Variants in SPTY2D1 observed in about 807,000 individuals in gnomAD.
The protein encoded by SPTY2D1 is protein SPT2 homolog.
SPTY2D1 carries 21 observed loss-of-function variants against 64.0 expected under a neutral mutation model. That is an observed-to-expected ratio of 0.33 (90% CI 0.23 to 0.47). The LOEUF is 0.47. Ranked by LOEUF, SPTY2D1 falls within the 20% of genes least tolerant of loss-of-function variation. SPTY2D1 has a pLI of 1.00. For missense variants in SPTY2D1, 724 were observed against 837.2 expected (o/e 0.86, Z 1.67); for synonymous variants, 287 against 286.8 (o/e 1.00, Z -0.01).
intron 3 of SPTY2D1, among the ~76,000 whole-genome samples, chr11:18,614,016 T>G (rs1431478662): frequency 6.6e-6 from 1 of 152,176 alleles, no homozygotes; most frequent in African/African-American, 2.4e-5. Flanking sequence ...GTCACGTACA[T>G]TCACCCTGAA....
intron 1 of SPTY2D1, among the ~76,000 whole-genome samples, chr11:18,619,553 T>TC (rs1406502959): frequency 8.6e-5 from 13 of 150,500 alleles, no homozygotes. Context: ...GGTCAGGAGA[T>TC]CGAGACCATC....
rs1854264392 is a variant in SPTY2D1 at position 18,614,822 on chromosome 11, G to C, written c.1452C>G (p.Pro484=). The C allele has an allele frequency of 6.2e-7, 1 of 1,613,320 alleles. No homozygotes were observed. The highest frequency in any genetic ancestry group is 1.3e-5 in the African/African-American group (1 of 74,930). ...CAGGGCCACTGACAGACCGCCCCGG[G>C]GGGCCCAAGCCACTCACTGGTCGTC... ...ELRRPVSGLG[P]PGRSVSGPGR... Residue 484 remains proline (P), a synonymous_variant, in exon 3 of 6, where the codon CCC becomes CCG. Coordinates refer to ENST00000336349, the MANE Select transcript of SPTY2D1 (RefSeq NM_194285.3).
intron 1 of SPTY2D1, among the ~76,000 whole-genome samples, chr11:18,622,292 G>C (rs184204396): frequency 1.3e-5 from 2 of 152,082 alleles, no homozygotes; most frequent in Non-Finnish European, 2.9e-5. Context: ...CACTTTGGAA[G>C]GCTGAGGTGG....
intron 3 of SPTY2D1, among the ~76,000 whole-genome samples, chr11:18,613,494 G>A (rs950930742): frequency 5.9e-5 from 9 of 152,112 alleles, no homozygotes; most frequent in Non-Finnish European, 8.8e-5. Flanking sequence ...GCTGTCAGGG[G>A]GCTATCCCAT....
At chr11:18,610,336 C>T (rs1330653353) in intron 5 of SPTY2D1, 1 of 173,538 alleles carries the variant, frequency 5.8e-6, no homozygotes, top group Non-Finnish European at 1.2e-5. Context: ...ATATAGTATT[C>T]TGGCTTGAGA....
Position 18,608,323 on chromosome 11 carries a change from G to A in SPTY2D1, c.*1538C>T, listed in dbSNP as rs1269468523. The A allele has an allele frequency of 6.6e-6, 1 of 152,562 alleles. No individual in the cohort carries two copies. Among genetic ancestry groups the A allele is most frequent in the East Asian group, 1.9e-4 (1 of 5,204 alleles). 9.5% of individuals were successfully genotyped at this position (152,562 alleles called of 1,614,324 possible). A position where few individuals can be genotyped will look rare whatever the true frequency, so the allele number is the denominator to read the frequency against. The stretch of plus-strand genomic sequence containing the variant: ...AGCCTGGCTCATATGGTCCCATTAA[G>A]GGAGGCTAACAATGGTAATCTATAA... On this transcript the variant is annotated 3_prime_UTR_variant, in exon 6 of 6. Coordinates refer to ENST00000336349, the MANE Select transcript of SPTY2D1 (RefSeq NM_194285.3).
At chr11:18,626,590 C>G (rs111399002) in intron 1 of SPTY2D1, among the ~76,000 whole-genome samples, 2 of 152,304 alleles carry the variant, frequency 1.3e-5, no homozygotes, top group African/African-American at 4.8e-5. Flanking sequence ...TGGAGCTAAT[C>G]TGCCTGGATT....
intron 1 of SPTY2D1, among the ~76,000 whole-genome samples, chr11:18,633,145 T>TC (rs945215050): frequency 9.2e-5 from 14 of 151,432 alleles, no homozygotes; most frequent in Non-Finnish European, 1.9e-4. Context: ...TATAGACCTT[T>TC]TTCAGATCAA....
intron 1 of SPTY2D1, among the ~76,000 whole-genome samples, chr11:18,619,420 C>T (rs986587204): frequency 5.5e-5 from 8 of 145,432 alleles, no homozygotes; most frequent in East Asian, 2.0e-4. Flanking sequence ...GGAGTTAAGA[C>T]GCCAGCCTGG....
chr11:18,630,088 G>A (rs962884273), intron 1 of SPTY2D1, among the ~76,000 whole-genome samples: 3 of 152,020 alleles, frequency 2.0e-5, no homozygotes, highest in African/African-American at 7.2e-5. Context: ...AGAATGGCTT[G>A]AACCCAGGAG....
chr11:18,622,374 T>C (rs780075550), intron 1 of SPTY2D1, among the ~76,000 whole-genome samples: 6 of 151,720 alleles, frequency 4.0e-5, no homozygotes, highest in Non-Finnish European at 5.9e-5. Context: ...CTACAAAACA[T>C]ACAAAAATTA....
rs1485949263 is a variant in SPTY2D1, at chr11:18,614,686, T to C, written c.1588A>G (p.Thr530Ala). Residue 530 changes from threonine to alanine, a missense_variant, in exon 3 of 6, where the codon ACT becomes GCT. Thr to Ala is a moderately conservative substitution (Grantham distance 58). This residue lies in a region of SPTY2D1 where 426 missense variants were observed against 431.8 expected (regional missense o/e 0.99). Transcript: ENST00000336349. ...ACAACAGTGCACTTAGGCTTTATAG[T>C]GGGACCTGAGCTACTAACTGTTTGC... ...PGQTVSSSGP[T>A]IKPKCTVVSE... 4.3e-6 allele frequency: 7 copies of C among 1,614,260 alleles called. No homozygotes were observed. Among genetic ancestry groups the C allele is most frequent in the Non-Finnish European group, 5.9e-6 (7 of 1,180,038 alleles).
In SPTY2D1 at chr11:18,614,626, G is replaced by A. The variant is rs776754228; in HGVS notation, c.1648C>T (p.Arg550Trp). Residue 550 changes from arginine (R) to tryptophan (W), a missense_variant, in exon 3 of 6, where the codon CGG becomes TGG. Arg to Trp is a moderately radical substitution (Grantham distance 101). Coordinates refer to ENST00000336349, the MANE Select transcript of SPTY2D1 (RefSeq NM_194285.3). ...ETISSKNIIS[R>W]SSNGQMNGMK... ...CCATTCATCTGTCCATTGCTGGACCGGCTAATGATATTCTTGGAAGAAATT... is the reference window on the plus strand; with the variant it reads ...CCATTCATCTGTCCATTGCTGGACCAGCTAATGATATTCTTGGAAGAAATT... The A allele has an allele frequency of 8.7e-6, 14 of 1,614,076 alleles. No homozygotes were observed. The highest frequency in any genetic ancestry group is 2.7e-5 in the African/African-American group (2 of 74,926).
At chr11:18,618,418 G>C (rs1330151000) in intron 1 of SPTY2D1, among the ~76,000 whole-genome samples, 1 of 152,052 alleles carries the variant, frequency 6.6e-6, no homozygotes, top group East Asian at 1.9e-4. Context: ...CTAAACTCAA[G>C]TAATGTTAAT....
In SPTY2D1 at chr11:18,615,491, A is replaced by C. The variant is rs1441854748; in HGVS notation, c.783T>G (p.Ala261=). 3.1e-6 allele frequency: 5 copies of C among 1,614,080 alleles called. No individual in the cohort carries two copies. Among genetic ancestry groups the C allele is most frequent in the Non-Finnish European group, 4.2e-6 (5 of 1,180,048 alleles). The change falls in exon 3 of 6, where the codon GCT becomes GCG. Residue 261 remains alanine, a synonymous_variant. Transcript: ENST00000336349. Reference sequence around the variant, plus strand: ...CCATGCTGGGTCTTGATTTCTTCTCAGCATGAGGAAGGGGCATTCCTTTGG... The same window carrying C: ...CCATGCTGGGTCTTGATTTCTTCTCCGCATGAGGAAGGGGCATTCCTTTGG... The part of the protein sequence containing the change: ...PSSKGMPLPH[A]EKKSRPSMAN...
rs1180713120 is a variant in SPTY2D1 at position 18,609,833 on chromosome 11, T to C, written c.*28A>G. 2 of 1,607,610 alleles carry C rather than the reference T, an allele frequency of 1.2e-6. No individual in the cohort carries two copies. Among genetic ancestry groups the C allele is most frequent in the Admixed American group, 1.7e-5 (1 of 59,792 alleles). On this transcript the variant is annotated 3_prime_UTR_variant, in exon 6 of 6. Transcript: ENST00000336349. The stretch of plus-strand genomic sequence containing the variant: ...GGAAATCCTTGCAGCAGAGCAGCTC[T>C]AGAATTTCACAAAAATAAAAGCAGC...
chr11:18,634,027 G>A lies in SPTY2D1; in HGVS notation c.60+171C>T, dbSNP rs113448140. Among the ~76,000 whole-genome samples, 265 of 152,264 alleles carry A rather than the reference G, an allele frequency of 1.7e-3. 5 individuals carry two copies. Among genetic ancestry groups the A allele is most frequent in the Middle Eastern group, 6.8e-3 (2 of 294 alleles). ...GGAAGGCTCCCGCGTCTCGTCCCAA[G>A]CTCTTTTCTCCCGAGTTCCCAAGAG... On this transcript the variant is annotated intron_variant, in intron 1 of 5. Coordinates refer to ENST00000336349, the MANE Select transcript of SPTY2D1 (RefSeq NM_194285.3).
intron 2 of SPTY2D1, 113 bp downstream of exon 2, chr11:18,616,761 AC>A: frequency 1.2e-6 from 1 of 801,928 alleles, no homozygotes. Flanking sequence ...ACACACACAC[AC>A]CCTCCCAAAT....
At chr11:18,618,080 T>C (rs567286489) in intron 1 of SPTY2D1, among the ~76,000 whole-genome samples, 17 of 152,326 alleles carry the variant, frequency 1.1e-4, no homozygotes, top group South Asian at 8.3e-4. Context: ...ACAACTATTT[T>C]CTCTCCTGAC....
Sources: gnomAD v4.1 joint callset for allele counts (sites outside exome capture counted in the v4.1 genomes callset) on GRCh38, gnomAD v4.1.1 for gene constraint, gnomAD v4.1.1 regional missense constraint, MANE v1.5 for transcripts, NCBI Gene and HGNC (gene_info 2026-07-23, HGNC 2026-07-21) for gene names.